Variants in NXPH1 observed in about 807,000 individuals in gnomAD.
NXPH1 encodes neurexophilin-1.
NXPH1 carries 5 observed loss-of-function variants against 23.7 expected under a neutral mutation model. That is an observed-to-expected ratio of 0.21 (90% CI 0.11 to 0.44). The LOEUF (loss-of-function observed/expected upper bound fraction) is 0.44, where lower values mean the gene tolerates loss of function less well. NXPH1 is among the 20% of genes least tolerant of loss of function. The pLI is 0.99. For missense variants in NXPH1, 324 were observed against 321.6 expected (o/e 1.01, Z -0.06); for synonymous variants, 144 against 122.2 (o/e 1.18, Z -1.18).
rs962891253 is a variant in NXPH1, at chr7:8,734,868, G to C, written c.55-16140G>C. On this transcript the variant is annotated intron_variant, in intron 2 of 2. Coordinates refer to ENST00000405863, the MANE Select transcript of NXPH1 (RefSeq NM_152745.3). ...CTTGAAGAGGTCCTTCATATCCCTT[G>C]TAAGTTGTATTCCTAGGTATTTTAT... Among the ~76,000 whole-genome samples, 4 of 152,126 alleles carry C rather than the reference G, an allele frequency of 2.6e-5. No individual in the cohort carries two copies. In the South Asian group the frequency reaches 8.3e-4, roughly 32 times the overall value.
chr7:8,492,814 C>T (rs1817271722), intron 2 of NXPH1, among the ~76,000 whole-genome samples: 1 of 151,988 alleles, frequency 6.6e-6, no homozygotes. Context: ...AATGAGCCTT[C>T]TTAATGCTCC....
intron 2 of NXPH1, among the ~76,000 whole-genome samples, chr7:8,671,144 T>G (rs933954723): frequency 6.6e-6 from 1 of 152,236 alleles, no homozygotes; most frequent in Non-Finnish European, 1.5e-5. Flanking sequence ...TACAAATAGT[T>G]AAATAAATTA....
intron 2 of NXPH1, among the ~76,000 whole-genome samples, chr7:8,581,431 A>G (rs940638284): frequency 6.6e-6 from 1 of 152,148 alleles, no homozygotes; most frequent in Non-Finnish European, 1.5e-5. Flanking sequence ...TGGCTGGAGC[A>G]GGAGGAAGAG....
chr7:8,560,446 G>T (rs558066451), intron 2 of NXPH1, among the ~76,000 whole-genome samples: 1 of 151,654 alleles, frequency 6.6e-6, no homozygotes, highest in Non-Finnish European at 1.5e-5. Context: ...ATACTCTGTG[G>T]TCATAGGGAT....
intron 2 of NXPH1, among the ~76,000 whole-genome samples, chr7:8,594,719 A>T (rs1236829163): frequency 6.6e-6 from 1 of 152,074 alleles, no homozygotes; most frequent in East Asian, 1.9e-4. Context: ...ATTTCTTTGG[A>T]AGTCGACTTG....
intron 2 of NXPH1, among the ~76,000 whole-genome samples, chr7:8,713,187 G>A (rs1779823421): frequency 6.6e-6 from 1 of 151,806 alleles, no homozygotes; most frequent in African/African-American, 2.4e-5. Flanking sequence ...CTATCTTCAA[G>A]CTCACCAATC....
rs528360435 is a variant in NXPH1, at chr7:8,661,041, C to A, written c.55-89967C>A. On this transcript the variant is annotated intron_variant, in intron 2 of 2. Coordinates refer to ENST00000405863, the MANE Select transcript of NXPH1 (RefSeq NM_152745.3). ...CAGGAAATCTCTTTTGATTAAGAAGCTGCACAGTGACATAGAAAAATATAG... is the reference window on the plus strand; with the variant it reads ...CAGGAAATCTCTTTTGATTAAGAAGATGCACAGTGACATAGAAAAATATAG... Among the ~76,000 whole-genome samples the A allele has an allele frequency of 1.3e-3, 193 of 150,756 alleles. 1 individual carries two copies. In the Middle Eastern group the frequency reaches 0.028, roughly 22 times the overall value.
intron 2 of NXPH1, among the ~76,000 whole-genome samples, chr7:8,542,882 A>T (rs1818142236): frequency 6.6e-6 from 1 of 151,638 alleles, no homozygotes; most frequent in African/African-American, 2.4e-5. Flanking sequence ...CAACAAATAT[A>T]CATGTACTTT....
intron 2 of NXPH1, among the ~76,000 whole-genome samples, chr7:8,681,587 G>A (rs1171622249): frequency 6.6e-6 from 1 of 152,180 alleles, no homozygotes; most frequent in Non-Finnish European, 1.5e-5. Context: ...TCTAGGAAGG[G>A]TGTGTGCATG....
intron 2 of NXPH1, among the ~76,000 whole-genome samples, chr7:8,582,204 A>T (rs1818891583): frequency 1.3e-5 from 2 of 152,194 alleles, no homozygotes; most frequent in South Asian, 4.1e-4. Flanking sequence ...AGATGCCGGG[A>T]ATCACAGAGC....
At chr7:8,722,640 C>T (rs1390315404) in intron 2 of NXPH1, among the ~76,000 whole-genome samples, 2 of 152,282 alleles carry the variant, frequency 1.3e-5, no homozygotes, top group South Asian at 2.1e-4. Flanking sequence ...TAAGCAAGTT[C>T]CTTGTTTTGA....
chr7:8,685,979 A>T (rs984314030), intron 2 of NXPH1, among the ~76,000 whole-genome samples: 5 of 152,198 alleles, frequency 3.3e-5, no homozygotes, highest in African/African-American at 1.2e-4. Flanking sequence ...CCAATTCTCC[A>T]TGATGTGTTT....
chr7:8,733,042 G>A (rs922363448), intron 2 of NXPH1, among the ~76,000 whole-genome samples: 1 of 151,038 alleles, frequency 6.6e-6, no homozygotes, highest in African/African-American at 2.4e-5. Flanking sequence ...CCTACTACCT[G>A]ACAGGCCCCC....
At chr7:8,668,540 C>A (rs1006638298) in intron 2 of NXPH1, among the ~76,000 whole-genome samples, 6 of 152,094 alleles carry the variant, frequency 3.9e-5, no homozygotes, top group African/African-American at 1.4e-4. Flanking sequence ...CTTGGGTAGA[C>A]CTGTTGATTG....
chr7:8,711,494 G>T (rs943606404), intron 2 of NXPH1, among the ~76,000 whole-genome samples: 1 of 152,138 alleles, frequency 6.6e-6, no homozygotes, highest in Non-Finnish European at 1.5e-5. Flanking sequence ...GGCCATAGCC[G>T]GAAAACACAG....
rs141088452 is a variant in NXPH1 at position 8,646,946 on chromosome 7, G to A, written c.55-104062G>A. 1.3e-3 allele frequency among the ~76,000 whole-genome samples: 203 copies of A among 152,032 alleles called. 2 individuals are homozygous for A. Among genetic ancestry groups the A allele is most frequent in the South Asian group, 0.012 (59 of 4,816 alleles). ...GCATGGGGAGCTGGGAGGGGTACAT[G>A]GAGAGAACACAGGGGAACAGGCACT... On this transcript the variant is annotated intron_variant, in intron 2 of 2. Coordinates refer to ENST00000405863, the MANE Select transcript of NXPH1 (RefSeq NM_152745.3).
At chr7:8,545,889 C>T (rs1818190694) in intron 2 of NXPH1, among the ~76,000 whole-genome samples, 1 of 151,402 alleles carries the variant, frequency 6.6e-6, no homozygotes, top group Admixed American at 6.6e-5. Context: ...CTGACACAGG[C>T]AGTCAATATC....
chr7:8,533,885 C>G (rs1473775163), intron 2 of NXPH1, among the ~76,000 whole-genome samples: 1 of 152,054 alleles, frequency 6.6e-6, no homozygotes, highest in African/African-American at 2.4e-5. Flanking sequence ...TTTTGAAATT[C>G]TTTCTGTGAG....
intron 2 of NXPH1, among the ~76,000 whole-genome samples, chr7:8,467,789 T>C (rs1238564784): frequency 6.6e-6 from 1 of 152,166 alleles, no homozygotes; most frequent in African/African-American, 2.4e-5. Context: ...TTATTTAAAG[T>C]GAGTAATCAT....
Sources: allele counts gnomAD v4.1 joint callset (sites outside exome capture counted in the v4.1 genomes callset), GRCh38; gene constraint gnomAD v4.1.1; transcripts MANE v1.5; gene names NCBI Gene and HGNC (gene_info 2026-07-23, HGNC 2026-07-21).